DIAPH3: variants seen among roughly 807,000 people sequenced by gnomAD.
The protein encoded by DIAPH3 is protein diaphanous homolog 3.
DIAPH3 carries 117 observed loss-of-function variants against 144.3 expected under a neutral mutation model. The ratio of observed to expected loss-of-function variants is 0.81; its 90% CI spans 0.70 to 0.95. The LOEUF is 0.95. Among genes scored for constraint, DIAPH3 ranks in the 40% least tolerant of loss-of-function variants. The pLI is 0.00. For synonymous variants in DIAPH3, 519 were observed against 488.9 expected, an observed-to-expected ratio of 1.06 and a Z score of -0.81; for missense variants, 1,421 against 1,412.7, an observed-to-expected ratio of 1.01 and a Z score of -0.09.
chr13:59,749,012 G>A lies in DIAPH3; in HGVS notation c.3319+25177C>T, dbSNP rs143897510. ...GTGGATTACTTGAGGTCAGGAGTTC[G>A]AGACCAGCCTGGCCAACATGGTGAA... On this transcript the variant is annotated intron_variant, in intron 27 of 27. Coordinates refer to ENST00000400324, the MANE Select transcript of DIAPH3 (RefSeq NM_001042517.2). 7.3e-4 allele frequency among the ~76,000 whole-genome samples: 111 copies of A among 151,888 alleles called. 2 individuals are homozygous for A. In the East Asian group the frequency reaches 0.019, roughly 26 times the overall value.
At chr13:59,846,682 C>A (rs2042652267) in intron 22 of DIAPH3, among the ~76,000 whole-genome samples, 1 of 151,936 alleles carries the variant, frequency 6.6e-6, no homozygotes, top group African/African-American at 2.4e-5. Flanking sequence ...ATTATAAAAT[C>A]CATTACATGA....
In DIAPH3 at chr13:60,105,099, C is replaced by CAAAAAAAAAAAAAAAAAAA. The variant is rs60853102; in HGVS notation, c.390+6892_390+6910dup. Among the ~76,000 whole-genome samples, 42 of 41,818 alleles carry CAAAAAAAAAAAAAAAAAAA rather than the reference C, an allele frequency of 1.0e-3. 1 individual carries two copies. The highest frequency in any genetic ancestry group is 1.4e-3 in the East Asian group (2 of 1,454). 27.4% of individuals were successfully genotyped at this position (41,818 alleles called of 152,430 possible). On this transcript the variant is annotated intron_variant, in intron 3 of 27. Transcript: ENST00000400324. ...TGGGCGACAAAGTGAGACACGATCT[C>CAAAAAAAAAAAAAAAAAAA]AAAAAAAAAAAAAAAAAAAAAAAAA...
At chr13:59,910,084 T>C (rs999277321) in intron 20 of DIAPH3, among the ~76,000 whole-genome samples, 3 of 152,224 alleles carry the variant, frequency 2.0e-5, no homozygotes, top group Non-Finnish European at 2.9e-5. Flanking sequence ...CATTTTCATA[T>C]AACCTTGCAT....
At chr13:59,950,214 CA>C (rs1287104531) in intron 17 of DIAPH3, among the ~76,000 whole-genome samples, 1 of 152,220 alleles carries the variant, frequency 6.6e-6, no homozygotes, top group Middle Eastern at 3.4e-3. Context: ...AATGTAAACA[CA>C]ACTCTTTCTA....
intron 17 of DIAPH3, 129 bp from the exon 18 acceptor site, chr13:59,924,999 A>C: frequency 7.0e-7 from 1 of 1,427,434 alleles, no homozygotes; most frequent in South Asian, 1.4e-5. Context: ...TTATAAAAAC[A>C]AATAAAACGA....
Position 60,015,908 on chromosome 13 carries a change from C to T in DIAPH3, c.771+5G>A. The T allele has an allele frequency of 6.2e-7, 1 of 1,608,500 alleles. No individual in the cohort carries two copies. Among genetic ancestry groups the T allele is most frequent in the Non-Finnish European group, 8.5e-7 (1 of 1,176,018 alleles). Reference sequence around the variant, plus strand: ...CGGACAAATACTAATTACGTATGTACATACCTGCGTATTCATCAGGGCTTT... The same window carrying T: ...CGGACAAATACTAATTACGTATGTATATACCTGCGTATTCATCAGGGCTTT... On this transcript the variant is annotated splice_donor_5th_base_variant and intron_variant, in intron 7 of 27. Transcript: ENST00000400324.
chr13:59,911,702 G>A (rs1483747976), intron 20 of DIAPH3, 33 bp downstream of exon 20: 2 of 1,502,718 alleles, frequency 1.3e-6, no homozygotes, highest in Non-Finnish European at 1.9e-6. Flanking sequence ...GTTTGGCACA[G>A]TATAAAAATC....
intron 9 of DIAPH3, among the ~76,000 whole-genome samples, chr13:59,993,702 TAAAAAA>T (rs3078724): frequency 5.4e-5 from 4 of 73,896 alleles, no homozygotes; most frequent in Admixed American, 2.0e-4. Context: ...GAAACATACT[TAAAAAA>T]AAAAAAAAAA....
At chr13:59,894,467 G>A (rs2045979841) in intron 20 of DIAPH3, among the ~76,000 whole-genome samples, 1 of 151,788 alleles carries the variant, frequency 6.6e-6, no homozygotes, top group Non-Finnish European at 1.5e-5. Flanking sequence ...TCCAAAGGAA[G>A]TGGTAATAAG....
At chr13:60,003,880 CCT>C (rs1410927714) in intron 9 of DIAPH3, among the ~76,000 whole-genome samples, 1 of 152,056 alleles carries the variant, frequency 6.6e-6, no homozygotes, top group African/African-American at 2.4e-5. Context: ...ACGCACGGCC[CCT>C]GATAATATTC....
chr13:59,678,930 G>A (rs1330579044), intron 27 of DIAPH3, among the ~76,000 whole-genome samples: 2 of 152,136 alleles, frequency 1.3e-5, no homozygotes, highest in Non-Finnish European at 2.9e-5. Flanking sequence ...GGGAGTACAT[G>A]ACTACATGAC....
At chr13:59,925,411 A>T (rs2047706027) in intron 17 of DIAPH3, among the ~76,000 whole-genome samples, 3 of 152,170 alleles carry the variant, frequency 2.0e-5, no homozygotes, top group Admixed American at 6.5e-5. Context: ...ATCCCATTTG[A>T]TCATACTGTA....
chr13:59,931,521 G>A (rs1353519909), intron 17 of DIAPH3, among the ~76,000 whole-genome samples: 2 of 151,974 alleles, frequency 1.3e-5, no homozygotes, highest in Non-Finnish European at 2.9e-5. Flanking sequence ...ATTTGATATT[G>A]TCCCTCTTCC....
intron 27 of DIAPH3, among the ~76,000 whole-genome samples, chr13:59,742,222 A>C (rs1278629922): frequency 6.6e-6 from 1 of 152,184 alleles, no homozygotes; most frequent in Admixed American, 6.5e-5. Context: ...GGATTATTAC[A>C]ATTCAAGGTG....
intron 27 of DIAPH3, among the ~76,000 whole-genome samples, chr13:59,703,620 T>C (rs67054403): frequency 0.16 from 23,947 of 152,128 alleles, 2,266 homozygotes; most frequent in South Asian, 0.25. Flanking sequence ...TTCTTATTAT[T>C]GGGTGAAGCA....
chr13:59,861,153 G>A (rs1400685177), intron 22 of DIAPH3: 4 of 1,208,844 alleles, frequency 3.3e-6, no homozygotes, highest in Non-Finnish European at 3.3e-6. Context: ...GGGCTAGCAG[G>A]TATCTACAAG....
intron 26 of DIAPH3, 67 bp from the exon 27 acceptor site, chr13:59,774,315 T>C: frequency 7.6e-7 from 1 of 1,317,720 alleles, no homozygotes; most frequent in Non-Finnish European, 1.1e-6. Context: ...GAAAACAGTA[T>C]TAGACATACT....
At chr13:59,795,407 A>G (rs1293625991) in intron 25 of DIAPH3, among the ~76,000 whole-genome samples, 1 of 151,912 alleles carries the variant, frequency 6.6e-6, no homozygotes, top group Non-Finnish European at 1.5e-5. Flanking sequence ...TCTTGAATTT[A>G]AGGAGATGCT....
rs146484208 is a variant in DIAPH3 at position 59,904,588 on chromosome 13, A to T, written c.2367+7147T>A. The stretch of plus-strand genomic sequence containing the variant: ...GATCCTCTATTTAATCAAATTAAAG[A>T]ATTAACCAACTGCTATTTTCCATGC... On this transcript the variant is annotated intron_variant, in intron 20 of 27. Coordinates refer to ENST00000400324, the MANE Select transcript of DIAPH3 (RefSeq NM_001042517.2). Among the ~76,000 whole-genome samples, 713 of 152,302 alleles carry T rather than the reference A, an allele frequency of 4.7e-3. 3 individuals are homozygous for T. Among genetic ancestry groups the T allele is most frequent in the South Asian group, 0.026 (127 of 4,828 alleles).
Sources: allele counts gnomAD v4.1 joint callset (sites outside exome capture counted in the v4.1 genomes callset), GRCh38; gene constraint gnomAD v4.1.1; transcripts MANE v1.5; gene names NCBI Gene and HGNC (gene_info 2026-07-23, HGNC 2026-07-21).